TNRC6B: variants seen among roughly 807,000 people sequenced by gnomAD.
The protein encoded by TNRC6B is trinucleotide repeat-containing gene 6B protein.
A neutral mutation model predicts 203.6 loss-of-function variants in TNRC6B; 52 were observed. The ratio of observed to expected loss-of-function variants is 0.26; its 90% confidence interval spans 0.20 to 0.32. The LOEUF (loss-of-function observed/expected upper bound fraction) is 0.32. Ranked by LOEUF, TNRC6B falls within the 10% of genes least tolerant of loss-of-function variation. The pLI is 1.00. For synonymous variants in TNRC6B, 838 were observed against 845.7 expected (o/e 0.99, Z 0.16); for missense variants, 1,923 against 2,286.2 (o/e 0.84, Z 3.24).
chr22:40,292,913 A>G (rs5757907), intron 12 of TNRC6B, among the ~76,000 whole-genome samples: 49,246 of 152,164 alleles, frequency 0.32, 9,790 homozygotes, highest in East Asian at 0.56. Flanking sequence ...TTCTTTCTGC[A>G]TGTGTCTCTC....
chr22:40,213,424 GC>G (rs763749507), intron 1 of TNRC6B, among the ~76,000 whole-genome samples: 12 of 152,234 alleles, frequency 7.9e-5, no homozygotes, highest in East Asian at 1.9e-4. Context: ...ACCTGAAGGG[GC>G]TGGAGAACAA....
In TNRC6B at chr22:40,310,809, T is replaced by C; in HGVS notation, c.4259-8T>C. 1.2e-6 allele frequency: 2 copies of C among 1,602,496 alleles called. No homozygotes were observed. The highest frequency in any genetic ancestry group is 1.7e-4 in the Middle Eastern group (1 of 5,952). ...TTCTGGATGATTTAATTTCCTCTCT[T>C]TTCTCAGGCGCTATAGTGGCCCCTG... is the stretch of plus-strand genomic sequence containing the variant. On this transcript the variant is annotated splice_region_variant and splice_polypyrimidine_tract_variant and intron_variant, in intron 16 of 22. Transcript: ENST00000454349.
At chr22:40,289,214 C>T (rs1197067801) in intron 12 of TNRC6B, among the ~76,000 whole-genome samples, 4 of 151,704 alleles carry the variant, frequency 2.6e-5, no homozygotes, top group South Asian at 2.1e-4. Flanking sequence ...GTCTGGGAGG[C>T]GAGGCTGCAG....
At chr22:40,231,809 G>A (rs2069874370) in intron 1 of TNRC6B, among the ~76,000 whole-genome samples, 1 of 152,228 alleles carries the variant, frequency 6.6e-6, no homozygotes, top group South Asian at 2.1e-4. Flanking sequence ...TCAGCTGCAT[G>A]CAGCTATGGC....
At chr22:40,149,481 A>G (rs1470892590) in intron 3 of TNRC6B, among the ~76,000 whole-genome samples, 2 of 152,098 alleles carry the variant, frequency 1.3e-5, no homozygotes, top group South Asian at 2.1e-4. Context: ...AGCCTGGCCA[A>G]TATGGTGAAA....
chr22:40,267,007 C>T lies in TNRC6B; in HGVS notation c.2777C>T (p.Pro926Leu). The stretch of plus-strand genomic sequence containing the variant: ...CCAGCACCTCGAGAACCAAACCTGC[C>T]CACCCCAATGACCAGTAAATCGGCA... ...GGPAPREPNL[P>L]TPMTSKSASV... is the part of the protein sequence containing the mutation. The change falls in exon 5 of 23, where the codon CCC becomes CTC. Residue 926 changes from proline (P) to leucine (L), a missense_variant. Transcript: ENST00000454349. 1 of 1,607,972 alleles carries T rather than the reference C, an allele frequency of 6.2e-7. No individual in the cohort carries two copies. The highest frequency in any genetic ancestry group is 8.5e-7 in the Non-Finnish European group (1 of 1,176,914).
At chr22:40,278,828 C>A (rs954047544) in intron 9 of TNRC6B, among the ~76,000 whole-genome samples, 10 of 152,226 alleles carry the variant, frequency 6.6e-5, no homozygotes, top group Non-Finnish European at 1.2e-4. Context: ...CAACCTCTGC[C>A]TCCCAGGTTC....
At chr22:40,057,364 G>GGTGGAAGTGTAGTGGCACGAT (rs1330814027) in intron 1 of TNRC6B, among the ~76,000 whole-genome samples, 1 of 149,476 alleles carries the variant, frequency 6.7e-6, no homozygotes. Flanking sequence ...CACCATCTCG[G>GGTGGAAGTGTAGTGGCACGAT]CTCGTCGCAA....
At chr22:40,295,169 C>T (rs1399804726) in intron 12 of TNRC6B, among the ~76,000 whole-genome samples, 1 of 152,094 alleles carries the variant, frequency 6.6e-6, no homozygotes, top group African/African-American at 2.4e-5. Context: ...TGTTTATAGA[C>T]TAGAAGAGTG....
chr22:40,222,933 G>C (rs1463174683), intron 1 of TNRC6B, among the ~76,000 whole-genome samples: 1 of 151,364 alleles, frequency 6.6e-6, no homozygotes, highest in Non-Finnish European at 1.5e-5. Context: ...TTATTGTAGA[G>C]TTGGGGTTTC....
intron 12 of TNRC6B, among the ~76,000 whole-genome samples, chr22:40,290,017 C>A (rs1020305095): frequency 5.3e-5 from 8 of 152,196 alleles, no homozygotes; most frequent in African/African-American, 1.9e-4. Flanking sequence ...TTACCACTTT[C>A]AACAGCACAG....
At chr22:40,241,338 C>T (rs887330816) in intron 1 of TNRC6B, among the ~76,000 whole-genome samples, 1 of 152,180 alleles carries the variant, frequency 6.6e-6, no homozygotes. Flanking sequence ...ATTAACACAC[C>T]GATTCATGAC....
Position 40,073,412 on chromosome 22 carries a change from T to TG in TNRC6B, c.-121+28419dup, listed in dbSNP as rs112967531. 6.9e-3 allele frequency among the ~76,000 whole-genome samples: 1,052 copies of TG among 152,184 alleles called. 4 individuals carry two copies. Among genetic ancestry groups the TG allele is most frequent in the Middle Eastern group, 0.017 (5 of 294 alleles). On this transcript the variant is annotated intron_variant, in intron 1 of 23. Transcript: ENST00000301923. Reference sequence around the variant, plus strand: ...CTTTTCTAATATGGCTGGAAACTGTTGGGGGTGGATTAGAGATTTTTAAGG... The same window carrying TG: ...CTTTTCTAATATGGCTGGAAACTGTTGGGGGGTGGATTAGAGATTTTTAAGG...
At chr22:40,277,317 A>G (rs1232540590) in intron 8 of TNRC6B, among the ~76,000 whole-genome samples, 166 bp downstream of exon 8, 1 of 152,232 alleles carries the variant, frequency 6.6e-6, no homozygotes, top group Non-Finnish European at 1.5e-5. Flanking sequence ...TTCTATTCTT[A>G]TTAATGACAT....
intron 21 of TNRC6B, among the ~76,000 whole-genome samples, chr22:40,318,478 C>T (rs535765832): frequency 7.2e-5 from 11 of 152,066 alleles, no homozygotes; most frequent in Admixed American, 5.2e-4. Context: ...ATCTGGGAGG[C>T]GGAGCTTGGA....
intron 2 of TNRC6B, among the ~76,000 whole-genome samples, chr22:40,119,184 CAT>C (rs1000348981): frequency 3.3e-5 from 5 of 152,194 alleles, no homozygotes; most frequent in Non-Finnish European, 4.4e-5. Context: ...TGAGTCCTGT[CAT>C]GTGTGTAGCA....
At chr22:40,295,323 A>C (rs990354176) in intron 12 of TNRC6B, among the ~76,000 whole-genome samples, 5 of 152,124 alleles carry the variant, frequency 3.3e-5, no homozygotes, top group Non-Finnish European at 7.4e-5. Flanking sequence ...TAAAAAATAC[A>C]AAAAGGTAAG....
intron 3 of TNRC6B, among the ~76,000 whole-genome samples, chr22:40,131,168 C>T (rs545833636): frequency 3.9e-5 from 6 of 152,236 alleles, no homozygotes; most frequent in African/African-American, 1.4e-4. Flanking sequence ...GATCCGCCCG[C>T]CTCAGCCTCC....
intron 1 of TNRC6B, among the ~76,000 whole-genome samples, chr22:40,237,019 G>A (rs1165884371): frequency 6.6e-6 from 1 of 152,232 alleles, no homozygotes; most frequent in East Asian, 1.9e-4. Context: ...ACAAAAATTA[G>A]CTGGGCGTGG....
Sources: gnomAD v4.1 joint callset for allele counts (sites outside exome capture counted in the v4.1 genomes callset) on GRCh38, gnomAD v4.1.1 for gene constraint, MANE v1.5 for transcripts, NCBI Gene and HGNC (gene_info 2026-07-23, HGNC 2026-07-21) for gene names.